Variants in DIS3L2 observed in about 807,000 individuals in gnomAD.
DIS3L2 encodes the protein DIS3 like 3'-5' exoribonuclease 2.
A neutral mutation model predicts 97.5 loss-of-function variants in DIS3L2; 34 were observed. That is an observed-to-expected ratio of 0.35 (90% CI 0.27 to 0.46). The LOEUF is 0.46. DIS3L2 is among the 20% of genes least tolerant of loss of function. DIS3L2 has a pLI of 1.00. For missense variants in DIS3L2, 1,038 were observed against 1,146.0 expected (o/e 0.91, Z 1.36); for synonymous variants, 435 against 445.2 (o/e 0.98, Z 0.29).
At chr2:232,059,192 A>C (rs1269000512) in intron 5 of DIS3L2, among the ~76,000 whole-genome samples, 1 of 152,214 alleles carries the variant, frequency 6.6e-6, no homozygotes, top group African/African-American at 2.4e-5. Context: ...GCAACAGCAT[A>C]AACTGTAAGG....
chr2:232,154,703 G>T (rs1334213074), intron 8 of DIS3L2, among the ~76,000 whole-genome samples: 1 of 147,416 alleles, frequency 6.8e-6, no homozygotes, highest in African/African-American at 2.5e-5. Flanking sequence ...GAGGCAGGCA[G>T]GCCTCCTTGA....
At chr2:232,121,748 T>C (rs537837863) in intron 6 of DIS3L2, among the ~76,000 whole-genome samples, 1 of 152,244 alleles carries the variant, frequency 6.6e-6, no homozygotes, top group South Asian at 2.1e-4. Flanking sequence ...TTTGCATTTC[T>C]AAGAGCTCAC....
intron 5 of DIS3L2, among the ~76,000 whole-genome samples, chr2:232,060,660 A>G (rs558234260): frequency 2.0e-5 from 3 of 152,258 alleles, no homozygotes; most frequent in East Asian, 3.9e-4. Flanking sequence ...GGCTTCATAT[A>G]AATTTGAAGA....
chr2:232,228,474 C>A (rs951724251), intron 10 of DIS3L2, among the ~76,000 whole-genome samples: 2 of 152,194 alleles, frequency 1.3e-5, no homozygotes, highest in Admixed American at 1.3e-4. Context: ...TGACCTGCTG[C>A]CTACTGTAGT....
At chr2:232,001,699 A>G (rs1303899289) in intron 1 of DIS3L2, among the ~76,000 whole-genome samples, 1 of 130,432 alleles carries the variant, frequency 7.7e-6, no homozygotes, top group Non-Finnish European at 1.6e-5. Flanking sequence ...CAGGCCTTAC[A>G]TTTAAATCTT....
At chr2:232,124,067 C>G (rs1697984780) in intron 6 of DIS3L2, among the ~76,000 whole-genome samples, 2 of 152,220 alleles carry the variant, frequency 1.3e-5, no homozygotes, top group South Asian at 4.1e-4. Context: ...CCAAGGAAAT[C>G]ATACTTCAAA....
At chr2:231,993,751 T>C (rs1315901151) in intron 1 of DIS3L2, among the ~76,000 whole-genome samples, 2 of 148,166 alleles carry the variant, frequency 1.3e-5, no homozygotes, top group Non-Finnish European at 3.0e-5. Context: ...CAGGAGCTCA[T>C]ATTCCAACTG....
chr2:232,007,954 G>T (rs1559536048), intron 1 of DIS3L2, among the ~76,000 whole-genome samples: 1 of 152,058 alleles, frequency 6.6e-6, no homozygotes, highest in African/African-American at 2.4e-5. Context: ...GAGCCTGGAA[G>T]ATTTTAAATT....
intron 6 of DIS3L2, among the ~76,000 whole-genome samples, chr2:232,098,808 ATCT>A (rs1196781097): frequency 2.0e-5 from 3 of 152,076 alleles, no homozygotes; most frequent in Non-Finnish European, 4.4e-5. Context: ...TTTTACAAAC[ATCT>A]TCTCTCATTT....
chr2:232,274,627 T>C (rs1286100182), intron 13 of DIS3L2, among the ~76,000 whole-genome samples: 3 of 152,192 alleles, frequency 2.0e-5, no homozygotes, highest in African/African-American at 4.8e-5. Context: ...TTTCCCCAAA[T>C]GCTGCTTTCC....
chr2:232,301,347 A>T (rs191576696), intron 14 of DIS3L2, among the ~76,000 whole-genome samples: 7 of 152,098 alleles, frequency 4.6e-5, no homozygotes, highest in African/African-American at 1.5e-4. Flanking sequence ...CCCATCCTGG[A>T]CTTAAGGAGA....
chr2:232,264,047 G>C (rs77282051), intron 13 of DIS3L2, among the ~76,000 whole-genome samples: 4,020 of 152,322 alleles, frequency 0.026, 74 homozygotes, highest in Middle Eastern at 0.044. Flanking sequence ...ACCAGGGGTA[G>C]GGGATGGTTT....
intron 8 of DIS3L2, among the ~76,000 whole-genome samples, chr2:232,142,217 A>AG (rs977990889): frequency 2.6e-5 from 4 of 151,994 alleles, no homozygotes; most frequent in Non-Finnish European, 5.9e-5. Context: ...CAGGCTGAGG[A>AG]GGGGGCTCTT....
intron 9 of DIS3L2, among the ~76,000 whole-genome samples, chr2:232,200,211 T>G (rs531760120): frequency 1.3e-5 from 2 of 152,322 alleles, no homozygotes; most frequent in Admixed American, 1.3e-4. Context: ...CAATATGAAC[T>G]CATGATTTTT....
chr2:232,338,214 G>C (rs1696026875), downstream of DIS3L2, among the ~76,000 whole-genome samples: 1 of 152,058 alleles, frequency 6.6e-6, no homozygotes, highest in South Asian at 2.1e-4. Context: ...CAGTGGCCAA[G>C]TTCCTCTCTG....
intron 11 of DIS3L2, among the ~76,000 whole-genome samples, chr2:232,240,169 C>A (rs1396690909): frequency 6.6e-6 from 1 of 152,226 alleles, no homozygotes; most frequent in Non-Finnish European, 1.5e-5. Context: ...CCTAGGAAGA[C>A]CTGGCACCTC....
chr2:232,323,522 C>T (rs1460367051), intron 14 of DIS3L2, among the ~76,000 whole-genome samples: 2 of 152,204 alleles, frequency 1.3e-5, no homozygotes, highest in Non-Finnish European at 2.9e-5. Flanking sequence ...TATAGAAAGG[C>T]CCTGCCATGG....
chr2:232,058,141 C>G (rs1163195936), intron 5 of DIS3L2, among the ~76,000 whole-genome samples: 2 of 152,208 alleles, frequency 1.3e-5, no homozygotes, highest in Admixed American at 1.3e-4. Context: ...TGTCCTTGCT[C>G]TCATTGACAT....
intron 5 of DIS3L2, among the ~76,000 whole-genome samples, chr2:232,062,853 C>T (rs115968202): frequency 0.015 from 2,302 of 151,956 alleles, 30 homozygotes; most frequent in Non-Finnish European, 0.025. Context: ...ATCTGTGTCT[C>T]TCTCTCCTTT....
Sources: gnomAD v4.1 joint callset for allele counts (sites outside exome capture counted in the v4.1 genomes callset) on GRCh38, gnomAD v4.1.1 for gene constraint, MANE v1.5 for transcripts, NCBI Gene and HGNC (gene_info 2026-07-23, HGNC 2026-07-21) for gene names.